SSUH2: variants seen among roughly 807,000 people sequenced by gnomAD.
SSUH2 encodes the protein protein SSUH2 homolog.
In SSUH2, 47 loss-of-function variants were observed where a neutral mutation model predicts 55.3. The observed-to-expected ratio is 0.85, with a 90% CI of 0.67 to 1.08. The LOEUF is 1.08. Ranked by LOEUF, SSUH2 falls within the 50% of genes least tolerant of loss-of-function variation. The probability of loss-of-function intolerance (pLI) is 0.00; values close to 1 mark genes in which losing one functional copy is unlikely to be tolerated. For synonymous variants in SSUH2, 212 were observed against 191.5 expected (o/e 1.11, Z -0.89); for missense variants, 535 against 490.7 (o/e 1.09, Z -0.85).
chr3:8,630,909 GC>G lies in SSUH2; in HGVS notation c.420del (p.Gln141LysfsTer193). On this transcript the variant is annotated frameshift_variant, in exon 6 of 12. Coordinates refer to ENST00000544814, the MANE Select transcript of SSUH2 (RefSeq NM_001256748.3). LOFTEE classifies it high-confidence loss of function. ...QPFTNHSVDGPQRGASPRLWD... is the reference protein window; with the variant it reads ...QPFTNHSVDGXQRGASPRLWD... ...CAGAGCCTGGGGGAGGCGCCTCTTT[GC>G]GGCCCATCCACAGAGTGGTCTGACA... The G allele has an allele frequency of 6.9e-7, 1 of 1,451,426 alleles. No individual in the cohort carries two copies. Among genetic ancestry groups the G allele is most frequent in the South Asian group, 1.6e-5 (1 of 63,756 alleles). 89.9% of individuals were successfully genotyped at this position (1,451,426 alleles called of 1,614,324 possible). A position where few individuals can be genotyped will look rare whatever the true frequency, so the allele number is the denominator to read the frequency against.
Position 8,681,778 on chromosome 3 carries a change from C to T in SSUH2, c.-1046+113G>A, listed in dbSNP as rs115836314. 9.4e-3 allele frequency: 1,426 copies of T among 152,072 alleles called. 15 individuals are homozygous for T. Among genetic ancestry groups the T allele is most frequent in the South Asian group, 0.022 (106 of 4,752 alleles). 9.4% of individuals were successfully genotyped at this position (152,072 alleles called of 1,614,324 possible). ...CCTCTTCCCCCTCTGGCTCTTAGGA[C>T]GCCCAGCACAGGGTGGGGAGGCACC... On this transcript the variant is annotated intron_variant, in intron 1 of 18. Transcript: ENST00000317371.
chr3:8,640,824 C>A (rs1420213368), intron 1 of SSUH2, among the ~76,000 whole-genome samples: 2 of 152,142 alleles, frequency 1.3e-5, no homozygotes, highest in African/African-American at 2.4e-5. Flanking sequence ...GTTATGTAGG[C>A]CACCCTGGGT....
intron 1 of SSUH2, among the ~76,000 whole-genome samples, chr3:8,638,763 A>T (rs1700346845): frequency 6.6e-6 from 1 of 152,186 alleles, no homozygotes; most frequent in African/African-American, 2.4e-5. Context: ...CTTTGTGCTC[A>T]TTTAAGCCAG....
chr3:8,641,966 C>T (rs1331964836), intron 1 of SSUH2, among the ~76,000 whole-genome samples: 2 of 152,136 alleles, frequency 1.3e-5, no homozygotes, highest in East Asian at 1.9e-4. Flanking sequence ...GGCGATGTGG[C>T]CCCAGACCAG....
chr3:8,675,510 G>A (rs957909462), intron 3 of SSUH2, among the ~76,000 whole-genome samples: 19 of 152,324 alleles, frequency 1.2e-4, no homozygotes, highest in South Asian at 8.3e-4. Context: ...GGTATAAGGC[G>A]TCCAAGAAGA....
At chr3:8,625,722 A>G in intron 9 of SSUH2, 75 bp from the exon 10 acceptor site, 1 of 1,052,588 alleles carries the variant, frequency 9.5e-7, no homozygotes, top group Non-Finnish European at 1.5e-6. Context: ...AATCAGACAG[A>G]CCTGGGGTTG....
intron 3 of SSUH2, chr3:8,634,270 C>G (rs530371735): frequency 2.7e-6 from 2 of 739,116 alleles, no homozygotes; most frequent in African/African-American, 1.8e-5. Flanking sequence ...CTGATGGCAG[C>G]GCCCATGGAG....
intron 5 of SSUH2, among the ~76,000 whole-genome samples, chr3:8,667,659 ATGAT>A (rs962291880): frequency 2.1e-4 from 32 of 152,224 alleles, no homozygotes; most frequent in African/African-American, 7.5e-4. Context: ...TTACACAGGC[ATGAT>A]TGATTAAGCC....
chr3:8,674,221 A>AGG (rs1014841415), intron 3 of SSUH2, among the ~76,000 whole-genome samples: 2 of 152,240 alleles, frequency 1.3e-5, no homozygotes, highest in Non-Finnish European at 2.9e-5. Flanking sequence ...AAGCAAGGGA[A>AGG]GGGGGGCCCT....
At chr3:8,651,132 G>T (rs550121161) in intron 7 of SSUH2, among the ~76,000 whole-genome samples, 47 of 152,340 alleles carry the variant, frequency 3.1e-4, no homozygotes, top group African/African-American at 1.1e-3. Flanking sequence ...AGGCCAGTCT[G>T]TTTGGTCACT....
chr3:8,670,015 C>T (rs1704372735), intron 5 of SSUH2, among the ~76,000 whole-genome samples: 1 of 152,160 alleles, frequency 6.6e-6, no homozygotes, highest in Admixed American at 6.5e-5. Context: ...GATCCGCTCC[C>T]CTTACCAGGG....
At chr3:8,627,641 C>A in intron 8 of SSUH2, 57 bp downstream of exon 8, 1 of 1,418,272 alleles carries the variant, frequency 7.1e-7, no homozygotes, top group Non-Finnish European at 9.5e-7. Flanking sequence ...GATGGGCAGG[C>A]AATGAAAAGC....
intron 5 of SSUH2, among the ~76,000 whole-genome samples, chr3:8,670,285 G>A (rs764064846): frequency 1.3e-4 from 20 of 152,042 alleles, no homozygotes; most frequent in Admixed American, 5.9e-4. Flanking sequence ...TACAGATCAC[G>A]TCACAAGGTG....
chr3:8,642,327 G>A (rs1194574687), intron 1 of SSUH2, among the ~76,000 whole-genome samples: 3 of 152,174 alleles, frequency 2.0e-5, no homozygotes, highest in Non-Finnish European at 2.9e-5. Context: ...GGTTAGGCTA[G>A]AAAAGAAAAG....
exon 2 of SSUH2, chr3:8,679,785 C>T (rs953668699): frequency 6.4e-6 from 1 of 155,186 alleles, no homozygotes; most frequent in Non-Finnish European, 1.4e-5. Context: ...GATTTACTAT[C>T]CCACAGGGGT....
At chr3:8,635,730 C>T (rs1575155481) in intron 2 of SSUH2, 29 bp downstream of exon 2, 4 of 1,524,006 alleles carry the variant, frequency 2.6e-6, no homozygotes, top group Non-Finnish European at 3.5e-6. Context: ...AGGTAGAAGC[C>T]CAAAGAACCA....
At position 8,619,966 on chromosome 3, in the gene SSUH2, G is replaced by C; in HGVS notation, c.1030C>G (p.Gln344Glu). The C allele has an allele frequency of 6.2e-7, 1 of 1,614,116 alleles. No individual in the cohort carries two copies. Among genetic ancestry groups the C allele is most frequent in the African/African-American group, 1.3e-5 (1 of 75,012 alleles). The change falls in exon 12 of 12, where the codon CAA becomes GAA. Residue 344 changes from glutamine to glutamate, a missense_variant. Gln to Glu is a conservative substitution (Grantham distance 29, BLOSUM62 2). Coordinates refer to ENST00000544814, the MANE Select transcript of SSUH2 (RefSeq NM_001256748.3). ...ATGTAGTAGACATAAGTCTTTCCTTGGTACCAATAGTGAACTTCTGTGAGG... is the reference window on the plus strand; with the variant it reads ...ATGTAGTAGACATAAGTCTTTCCTTCGTACCAATAGTGAACTTCTGTGAGG... ...IPLTEVHYWY[Q>E]GKTYVYYIYG...
intron 1 of SSUH2, among the ~76,000 whole-genome samples, chr3:8,642,165 G>A (rs887710353): frequency 6.6e-6 from 1 of 152,196 alleles, no homozygotes; most frequent in African/African-American, 2.4e-5. Context: ...TCTGGAAAAG[G>A]TTTCAGTCTG....
intron 9 of SSUH2, among the ~76,000 whole-genome samples, chr3:8,626,006 GTGGTGA>G: frequency 6.6e-6 from 1 of 152,208 alleles, no homozygotes; most frequent in East Asian, 1.9e-4. Context: ...GCCCTAGAAA[GTGGTGA>G]TGGCAGAATT....
Sources: allele counts gnomAD v4.1 joint callset (sites outside exome capture counted in the v4.1 genomes callset), GRCh38; gene constraint gnomAD v4.1.1; transcripts MANE v1.5; gene names NCBI Gene and HGNC (gene_info 2026-07-23, HGNC 2026-07-21).